NAA11: variants seen among roughly 807,000 people sequenced by gnomAD.
NAA11 encodes N-alpha-acetyltransferase 11, NatA catalytic subunit.
NAA11 carries 15 observed loss-of-function variants against 16.1 expected under a neutral mutation model. That is an observed-to-expected ratio of 0.93 (90% CI 0.62 to 1.44). The LOEUF (loss-of-function observed/expected upper bound fraction) is 1.44, where lower values mean the gene tolerates loss of function less well. NAA11 is among the 40% of genes most tolerant of loss of function. The probability of loss-of-function intolerance (pLI) is 0.00; values close to 1 mark genes in which losing one functional copy is unlikely to be tolerated. For missense variants in NAA11, 298 were observed against 291.3 expected (o/e 1.02, Z -0.17); for synonymous variants, 122 against 112.4 (o/e 1.09, Z -0.54).
At chr4:79,161,881 C>G in the NAA11 span, among the ~76,000 whole-genome samples, 1 of 152,226 alleles carries the variant, frequency 6.6e-6, no homozygotes, top group South Asian at 2.1e-4. Flanking sequence ...CAGGGTTTCA[C>G]CATATTGGCC....
At chr4:79,266,110 C>T (rs1191371600) in intron 2 of NAA11, among the ~76,000 whole-genome samples, 1 of 152,162 alleles carries the variant, frequency 6.6e-6, no homozygotes, top group Admixed American at 6.5e-5. Flanking sequence ...CTCATATCCC[C>T]ACTTCTCCTT....
the NAA11 span, among the ~76,000 whole-genome samples, chr4:79,190,497 A>G: frequency 6.6e-6 from 1 of 151,492 alleles, no homozygotes; most frequent in East Asian, 1.9e-4. Flanking sequence ...ACTGTTAACA[A>G]CTTAGCAATT....
At chr4:79,245,773 G>A (rs1488306443) in intron 2 of NAA11, among the ~76,000 whole-genome samples, 2 of 147,192 alleles carry the variant, frequency 1.4e-5, no homozygotes, top group East Asian at 2.1e-4. Context: ...GTAGGGGGGC[G>A]CCTCCGCCCA....
At chr4:79,166,174 G>A in the NAA11 span, among the ~76,000 whole-genome samples, 8 of 152,140 alleles carry the variant, frequency 5.3e-5, no homozygotes. Flanking sequence ...AGTAGACTGA[G>A]AAAACTTATC....
the NAA11 span, among the ~76,000 whole-genome samples, chr4:79,155,475 T>C: frequency 6.6e-6 from 1 of 152,222 alleles, no homozygotes; most frequent in African/African-American, 2.4e-5. Context: ...AATTGCATTC[T>C]ATGCTCTTTG....
chr4:79,289,651 A>C (rs996739328), intron 2 of NAA11, among the ~76,000 whole-genome samples: 1 of 152,210 alleles, frequency 6.6e-6, no homozygotes, highest in Non-Finnish European at 1.5e-5. Flanking sequence ...CTGGGATTTG[A>C]ATTCAGAACA....
chr4:79,166,505 C>T, the NAA11 span, among the ~76,000 whole-genome samples: 1 of 150,702 alleles, frequency 6.6e-6, no homozygotes, highest in Admixed American at 6.6e-5. Flanking sequence ...GTGTGCACTA[C>T]CATACCTGCC....
intron 2 of NAA11, among the ~76,000 whole-genome samples, chr4:79,246,376 C>CA (rs1560420199): frequency 1.7e-4 from 19 of 114,150 alleles, no homozygotes; most frequent in Non-Finnish European, 2.7e-4. Context: ...TCAATAAATA[C>CA]TAAAAAAAAA....
At chr4:79,257,603 A>G (rs1578166112) in intron 2 of NAA11, among the ~76,000 whole-genome samples, 2 of 151,990 alleles carry the variant, frequency 1.3e-5, no homozygotes, top group East Asian at 3.9e-4. Context: ...TTTACTGCAT[A>G]TTTCTCTGAA....
downstream of NAA11, among the ~76,000 whole-genome samples, chr4:79,311,701 T>G (rs1050378037): frequency 1.3e-5 from 2 of 152,180 alleles, no homozygotes; most frequent in African/African-American, 4.8e-5. Context: ...CTACTACCTA[T>G]TAACTCAATG....
the NAA11 span, among the ~76,000 whole-genome samples, chr4:79,168,701 C>T: frequency 6.6e-6 from 1 of 152,122 alleles, no homozygotes; most frequent in Admixed American, 6.6e-5. Context: ...ATCCTTTGCC[C>T]ACTCTTTGAT....
chr4:79,288,086 G>A (rs1452818248), intron 2 of NAA11, among the ~76,000 whole-genome samples: 2 of 152,120 alleles, frequency 1.3e-5, no homozygotes, highest in Non-Finnish European at 2.9e-5. Flanking sequence ...GCTTACAGAA[G>A]GAGACACTCT....
At chr4:79,268,919 T>C (rs1722414513) in intron 2 of NAA11, among the ~76,000 whole-genome samples, 1 of 134,320 alleles carries the variant, frequency 7.4e-6, no homozygotes, top group African/African-American at 2.9e-5. Flanking sequence ...ATCTCATTGT[T>C]CAATTCCCAC....
chr4:79,305,525 T>C (rs1723551006), intron 1 of NAA11, among the ~76,000 whole-genome samples: 1 of 152,240 alleles, frequency 6.6e-6, no homozygotes, highest in South Asian at 2.1e-4. Context: ...CTTCCTAAGC[T>C]GTGCATCTGG....
the NAA11 span, among the ~76,000 whole-genome samples, chr4:79,166,067 T>A: frequency 2.0e-5 from 3 of 152,316 alleles, no homozygotes; most frequent in African/African-American, 7.2e-5. Context: ...TTGCTAGCAA[T>A]AATGGAGAAG....
intron 2 of NAA11, among the ~76,000 whole-genome samples, chr4:79,249,662 G>T (rs1263112056): frequency 6.6e-6 from 1 of 152,184 alleles, no homozygotes; most frequent in Non-Finnish European, 1.5e-5. Flanking sequence ...GAAAGAAAGA[G>T]AAAGCAAACA....
At chr4:79,265,742 C>G (rs1722330604) in intron 2 of NAA11, among the ~76,000 whole-genome samples, 1 of 150,490 alleles carries the variant, frequency 6.6e-6, no homozygotes, top group Non-Finnish European at 1.5e-5. Context: ...CTGCCTCACT[C>G]TCTTATCCCC....
chr4:79,269,490 T>C (rs1256912040), intron 2 of NAA11, among the ~76,000 whole-genome samples: 1 of 150,052 alleles, frequency 6.7e-6, no homozygotes, highest in Non-Finnish European at 1.5e-5. Flanking sequence ...TTTGGCTGCA[T>C]AGATGTCTTC....
At chr4:79,191,055 T>A in the NAA11 span, among the ~76,000 whole-genome samples, 1 of 152,168 alleles carries the variant, frequency 6.6e-6, no homozygotes, top group Non-Finnish European at 1.5e-5. Flanking sequence ...ACCATATTTT[T>A]AAAATCCAAT....
Sources: gnomAD v4.1 joint callset for allele counts (sites outside exome capture counted in the v4.1 genomes callset) on GRCh38, gnomAD v4.1.1 for gene constraint, MANE v1.5 for transcripts, NCBI Gene and HGNC (gene_info 2026-07-23, HGNC 2026-07-21) for gene names.